The following XPO7 variants were observed in gnomAD, a reference collection of about 807,000 sequenced individuals.
The protein encoded by XPO7 is exportin-7.
Under a neutral mutation model 144.3 loss-of-function variants are expected in XPO7, and 21 were observed. The ratio of observed to expected loss-of-function variants is 0.15; its 90% CI spans 0.10 to 0.21. XPO7 has a LOEUF of 0.21. Among genes scored for constraint, XPO7 ranks in the 10% least tolerant of loss-of-function variants. The probability of loss-of-function intolerance (pLI) is 1.00; values close to 1 mark genes in which losing one functional copy is unlikely to be tolerated. For synonymous variants in XPO7, 580 were observed against 499.6 expected (o/e 1.16, Z -2.15); for missense variants, 808 against 1,325.8 (o/e 0.61, Z 6.06).
chr8:21,989,106 C>A (rs980540504), intron 16 of XPO7, 23 bp downstream of exon 16: 2 of 1,602,984 alleles, frequency 1.2e-6, no homozygotes, highest in Admixed American at 3.3e-5. Context: ...AAGCTAACTT[C>A]TGTGCACAAC....
chr8:21,955,650 G>A (rs1186906195), intron 1 of XPO7, among the ~76,000 whole-genome samples: 1 of 149,802 alleles, frequency 6.7e-6, no homozygotes, highest in Non-Finnish European at 1.5e-5. Flanking sequence ...GGGTTTCCTT[G>A]ATATCCCTCT....
chr8:21,984,722 T>A lies in XPO7; in HGVS notation c.1354T>A (p.Cys452Ser). The change falls in exon 12 of 28, where the codon TGT becomes AGT. Residue 452 changes from cysteine to serine, a missense_variant. By Grantham distance (112) the Cys-to-Ser change is moderately radical. This residue lies in a region of XPO7 where 416 missense variants were observed against 612.5 expected (regional missense o/e 0.68). Transcript: ENST00000252512. ...QLDQLSTIGR[C>S]EYEKTCALLV... ...GGACCAGCTGTCCACCATTGGGCGT[T>A]GTGAATATGAGAAGACGTGTGCACT... The A allele has an allele frequency of 6.2e-7, 1 of 1,613,934 alleles. No homozygotes were observed. Among genetic ancestry groups the A allele is most frequent in the Non-Finnish European group, 8.5e-7 (1 of 1,179,868 alleles).
At chr8:21,926,677 CAT>C (rs1213193457) in intron 1 of XPO7, among the ~76,000 whole-genome samples, 2 of 151,820 alleles carry the variant, frequency 1.3e-5, no homozygotes, top group African/African-American at 2.4e-5. Context: ...GAACTTGAAA[CAT>C]AAAGTTTGCT....
intron 1 of XPO7, among the ~76,000 whole-genome samples, chr8:21,950,863 T>A (rs905625227): frequency 1.2e-4 from 18 of 152,098 alleles, no homozygotes; most frequent in African/African-American, 3.4e-4. Context: ...GAGCCTGGCG[T>A]ATAATCCCAG....
intron 1 of XPO7, among the ~76,000 whole-genome samples, chr8:21,960,375 G>A (rs1471154004): frequency 6.6e-6 from 1 of 152,200 alleles, no homozygotes; most frequent in Non-Finnish European, 1.5e-5. Context: ...ACTATGAGAA[G>A]GAATCCAAGC....
intron 1 of XPO7, among the ~76,000 whole-genome samples, chr8:21,939,522 G>C (rs376665223): frequency 6.6e-6 from 1 of 152,148 alleles, no homozygotes; most frequent in African/African-American, 2.4e-5. Context: ...CCCCAGGTCT[G>C]TTTTGGATTT....
chr8:21,987,711 G>A (rs1394677800), intron 14 of XPO7, 73 bp from the exon 15 acceptor site: 8 of 1,540,484 alleles, frequency 5.2e-6, no homozygotes, highest in South Asian at 1.2e-5. Context: ...ACCCATGAGT[G>A]TGGACAAAAA....
At chr8:21,996,523 T>G (rs765951243) in intron 21 of XPO7, among the ~76,000 whole-genome samples, 22 of 152,212 alleles carry the variant, frequency 1.4e-4, no homozygotes, top group Admixed American at 3.3e-4. Flanking sequence ...CATCTGGTAA[T>G]GGTGCCTTGT....
At position 21,974,710 on chromosome 8, in the gene XPO7, C is replaced by T; in HGVS notation, c.533C>T (p.Ala178Val). Residue 178 changes from alanine to valine, a missense_variant, in exon 6 of 28, where the codon GCC (alanine) becomes GTC (valine). Ala to Val is a moderately conservative substitution (Grantham distance 64). This residue lies in a region of XPO7 where 223 missense variants were observed against 368.8 expected (regional missense o/e 0.60). Transcript: ENST00000252512. ...CCTTTAACCAAGCACAGAAAAATAG[C>T]CTCTTCTTTTCGCGATTCATCATTA... is the stretch of plus-strand genomic sequence containing the variant. Reference protein sequence around the residue: ...THPLTKHRKIASSFRDSSLFD... With the variant: ...THPLTKHRKIVSSFRDSSLFD... 2 of 1,594,346 alleles carry T rather than the reference C, an allele frequency of 1.3e-6. No individual in the cohort carries two copies. Among genetic ancestry groups the T allele is most frequent in the Non-Finnish European group, 1.7e-6 (2 of 1,169,890 alleles).
chr8:21,958,174 T>A (rs73221570), intron 1 of XPO7, among the ~76,000 whole-genome samples: 3,996 of 152,298 alleles, frequency 0.026, 85 homozygotes, highest in Middle Eastern at 0.078. Context: ...GAGAAGTATG[T>A]ACTGAATCCC....
At position 21,947,765 on chromosome 8, in the gene XPO7, G is replaced by A. The variant is rs1261862235; in HGVS notation, c.19-19092G>A. 3.9e-5 allele frequency among the ~76,000 whole-genome samples: 6 copies of A among 152,264 alleles called. No individual in the cohort carries two copies. The East Asian group carries it at 1.2e-3, about 29-fold the overall frequency. On this transcript the variant is annotated intron_variant, in intron 1 of 27. Transcript: ENST00000252512. ...TATTCATCAAAAGATGAGCATATGA[G>A]GGAAAAAGCAATCTACAAAGTGGGA...
chr8:21,986,985 T>G (rs1812599302), intron 13 of XPO7, among the ~76,000 whole-genome samples, 156 bp from the exon 14 acceptor site: 1 of 152,186 alleles, frequency 6.6e-6, no homozygotes, highest in Non-Finnish European at 1.5e-5. Flanking sequence ...AAACTCCTGG[T>G]CTAGTCCTGC....
chr8:21,969,309 TTATGC>T (rs34351986), intron 2 of XPO7, among the ~76,000 whole-genome samples, 169 bp from the exon 3 acceptor site: 30,925 of 151,914 alleles, frequency 0.2, 4,569 homozygotes, highest in African/African-American at 0.42. Flanking sequence ...GCTAATAAAC[TTATGC>T]TATGTGGTTC....
chr8:21,985,444 G>A lies in XPO7; in HGVS notation c.1472-142G>A. ...CCCTCTTAGCATTGCCCTTACCAAA[G>A]CAGAGAAGTAGCCATTCTCTGTAAG... On this transcript the variant is annotated intron_variant, in intron 12 of 27. Transcript: ENST00000252512. 2 of 761,294 alleles carry A rather than the reference G, an allele frequency of 2.6e-6. 1 individual carries two copies. Among genetic ancestry groups the A allele is most frequent in the Non-Finnish European group, 4.5e-6 (2 of 448,420 alleles). The allele number at this position is 761,294 out of a possible 1,614,324, so 47.2% of individuals were successfully genotyped here.
chr8:21,940,796 A>G (rs1028093988), intron 1 of XPO7, among the ~76,000 whole-genome samples: 5 of 152,048 alleles, frequency 3.3e-5, no homozygotes, highest in South Asian at 2.1e-4. Context: ...ATCGTCCTGT[A>G]TAGTCTTGCC....
At chr8:21,977,634 T>G (rs1455257643) in intron 7 of XPO7, 136 bp from the exon 8 acceptor site, 1 of 764,290 alleles carries the variant, frequency 1.3e-6, no homozygotes, top group Non-Finnish European at 2.0e-6. Flanking sequence ...TATTTGCTTA[T>G]CACTTCCAAA....
At chr8:21,966,509 C>G (rs1811889652) in intron 1 of XPO7, among the ~76,000 whole-genome samples, 1 of 152,140 alleles carries the variant, frequency 6.6e-6, no homozygotes, top group South Asian at 2.1e-4. Context: ...ACACTTTTTA[C>G]ATTAATAGCA....
rs1410973191 is a variant in XPO7 at position 21,977,636 on chromosome 8, A to G, written c.764-134A>G. 5.2e-6 allele frequency: 4 copies of G among 776,206 alleles called. No homozygotes were observed. The African/African-American group carries it at 5.4e-5, about 10-fold the overall frequency. 48.1% of individuals were successfully genotyped at this position (776,206 alleles called of 1,614,324 possible). A position where few individuals can be genotyped will look rare whatever the true frequency, so the allele number is the denominator to read the frequency against. On this transcript the variant is annotated intron_variant, in intron 7 of 27. Coordinates refer to ENST00000252512, the MANE Select transcript of XPO7 (RefSeq NM_015024.5). ...ACCAAAAAGCCCCTATTTGCTTATCACTTCCAAAGGAAATAAATACTCTGT... is the reference window on the plus strand; with the variant it reads ...ACCAAAAAGCCCCTATTTGCTTATCGCTTCCAAAGGAAATAAATACTCTGT...
chr8:21,985,353 A>G (rs1299072335), intron 12 of XPO7, among the ~76,000 whole-genome samples: 1 of 152,166 alleles, frequency 6.6e-6, no homozygotes, highest in Admixed American at 6.5e-5. Flanking sequence ...TTTTAACTCT[A>G]AGGAAATACT....
Sources: allele counts gnomAD v4.1 joint callset (sites outside exome capture counted in the v4.1 genomes callset), GRCh38; gene constraint gnomAD v4.1.1; regional missense constraint gnomAD v4.1.1; transcripts MANE v1.5; gene names NCBI Gene and HGNC (gene_info 2026-07-23, HGNC 2026-07-21).